Variants in AP3D1 observed in about 807,000 individuals in gnomAD.
AP3D1 encodes AP-3 complex subunit delta-1.
A neutral mutation model predicts 147.6 loss-of-function variants in AP3D1; 51 were observed. The ratio of observed to expected loss-of-function variants is 0.35; its 90% confidence interval spans 0.28 to 0.44. AP3D1 has a LOEUF of 0.44. AP3D1 is among the 20% of genes least tolerant of loss of function. The pLI is 1.00. For missense variants in AP3D1, 1,421 were observed against 1,624.2 expected, an observed-to-expected ratio of 0.87 and a Z score of 2.15; for synonymous variants, 760 against 663.0, an observed-to-expected ratio of 1.15 and a Z score of -2.25.
chr19:2,164,586 GC>G, upstream of AP3D1: 2 of 208,796 alleles, frequency 9.6e-6, no homozygotes, highest in Non-Finnish European at 1.9e-5. Flanking sequence ...TTGACTGGAA[GC>G]CCGCCCGCCC....
chr19:2,132,403 C>A (rs1436721265), intron 5 of AP3D1, 68 bp downstream of exon 5: 28 of 1,428,382 alleles, frequency 2.0e-5, no homozygotes, highest in Non-Finnish European at 2.7e-5. Context: ...GCTTCCCAGG[C>A]ATGCCACTTT....
intron 1 of AP3D1, among the ~76,000 whole-genome samples, chr19:2,150,517 C>G (rs2019477806): frequency 1.3e-5 from 2 of 152,164 alleles, no homozygotes; most frequent in Non-Finnish European, 2.9e-5. Flanking sequence ...AAGTCAGCTT[C>G]CCCATTCCAG....
chr19:2,111,673 C>T lies in AP3D1; in HGVS notation c.2937+6G>A. 1 of 1,583,038 alleles carries T rather than the reference C, an allele frequency of 6.3e-7. No homozygotes were observed. Among genetic ancestry groups the T allele is most frequent in the South Asian group, 1.1e-5 (1 of 87,872 alleles). ...CGTGGGGCGGGGGCGCTGAAGTACC[C>T]CTCACCGGGAGCTGCTCCTCCTCTG... On this transcript the variant is annotated splice_donor_region_variant and intron_variant, in intron 25 of 31. Coordinates refer to ENST00000643116, the MANE Select transcript of AP3D1 (RefSeq NM_001261826.3).
At position 2,114,804 on chromosome 19, in the gene AP3D1, G is replaced by A. The variant is rs567035565; in HGVS notation, c.2367C>T (p.Asp789=). ...GGTCGTTGGGGTCTTTGTCATCCTC[G>A]TCGCTGGGCAGAGCATTCTGACAGG... ...EEMPENALPS[D]EDDKDPNDPY... is the part of the protein sequence containing the mutation. The change falls in exon 21 of 32, where the codon GAC becomes GAT. Residue 789 remains aspartate, a synonymous_variant. Coordinates refer to ENST00000643116, the MANE Select transcript of AP3D1 (RefSeq NM_001261826.3). The A allele has an allele frequency of 6.4e-5, 104 of 1,614,054 alleles. 1 individual carries two copies. Among genetic ancestry groups the A allele is most frequent in the Non-Finnish European group, 8.2e-5 (97 of 1,179,948 alleles).
Position 2,116,188 on chromosome 19 carries a change from AC to A in AP3D1, c.2073+18del. 1.2e-6 allele frequency: 2 copies of A among 1,613,638 alleles called. No individual in the cohort carries two copies. Among genetic ancestry groups the A allele is most frequent in the Middle Eastern group, 1.7e-4 (1 of 6,034 alleles). ...GGGTAGAGGGTGCTGAGGGACAGGC[AC>A]CCGGGGACGGGCCTCACCTTCTGTG... On this transcript the variant is annotated intron_variant, in intron 18 of 31. Transcript: ENST00000643116.
intron 1 of AP3D1, among the ~76,000 whole-genome samples, chr19:2,145,615 C>T (rs1477615051): frequency 1.3e-5 from 2 of 152,202 alleles, no homozygotes; most frequent in South Asian, 2.1e-4. Context: ...CCAGGGCTGG[C>T]GTCGCCGCTC....
chr19:2,108,434 G>A (rs2018171306), intron 31 of AP3D1, among the ~76,000 whole-genome samples: 1 of 152,180 alleles, frequency 6.6e-6, no homozygotes, highest in Admixed American at 6.5e-5. Flanking sequence ...GGAGTGCAGT[G>A]GGAGTGGGGC....
chr19:2,109,916 G>T lies in AP3D1; in HGVS notation c.3307C>A (p.His1103Asn). ...ATCAAGTAGGAGCTGCAGCTGAAGTGCAGCCTGAAGTCCAGCTTCTCGTGG... is the reference window on the plus strand; with the variant it reads ...ATCAAGTAGGAGCTGCAGCTGAAGTTCAGCCTGAAGTCCAGCTTCTCGTGG... The part of the protein sequence containing the change: ...ATHEKLDFRL[H>N]FSCSSYLITT... Residue 1103 changes from histidine to asparagine, a missense_variant, in exon 29 of 32, where the codon CAC becomes AAC. Around this residue, in one of 6 missense-constraint regions of AP3D1, gnomAD observed 791 missense variants for 761.4 expected, o/e 1.04. Transcript: ENST00000643116. The T allele has an allele frequency of 6.2e-7, 1 of 1,613,848 alleles. No individual in the cohort carries two copies. Among genetic ancestry groups the T allele is most frequent in the African/African-American group, 1.3e-5 (1 of 75,018 alleles).
rs550934238 is a variant in AP3D1 at position 2,159,275 on chromosome 19, A to G, written c.-103+5081T>C. 1.4e-4 allele frequency among the ~76,000 whole-genome samples: 20 copies of G among 146,468 alleles called. 1 individual carries two copies. In the East Asian group the frequency reaches 3.9e-3, roughly 28 times the overall value. On this transcript the variant is annotated intron_variant, in intron 1 of 14. Transcript: ENST00000643010. Reference sequence around the variant, plus strand: ...CCTCTGTCACCCAGGCTGGAGTGCAATGGCGCGATCTCAGCTCACTACAAC... The same window carrying G: ...CCTCTGTCACCCAGGCTGGAGTGCAGTGGCGCGATCTCAGCTCACTACAAC...
At chr19:2,139,391 G>T (rs1158806394) in intron 1 of AP3D1, among the ~76,000 whole-genome samples, 1 of 152,192 alleles carries the variant, frequency 6.6e-6, no homozygotes, top group Non-Finnish European at 1.5e-5. Context: ...GTTTTGAGGG[G>T]ATGTGTCTGG....
chr19:2,161,627 C>T (rs1180439997), intron 1 of AP3D1, among the ~76,000 whole-genome samples: 1 of 151,932 alleles, frequency 6.6e-6, no homozygotes, highest in Non-Finnish European at 1.5e-5. Flanking sequence ...TACATGCAGA[C>T]CAAAGAGGAG....
chr19:2,124,112 C>A (rs766975243), intron 9 of AP3D1, among the ~76,000 whole-genome samples: 1 of 152,234 alleles, frequency 6.6e-6, no homozygotes, highest in Non-Finnish European at 1.5e-5. Context: ...CAGGATGGCT[C>A]GGGGCCTCAG....
intron 9 of AP3D1, among the ~76,000 whole-genome samples, chr19:2,126,417 A>C (rs1406945170): frequency 6.6e-6 from 1 of 152,140 alleles, no homozygotes; most frequent in Non-Finnish European, 1.5e-5. Flanking sequence ...GCACTTTGGG[A>C]GGCCGAGGCA....
chr19:2,151,162 C>G, intron 1 of AP3D1, 77 bp downstream of exon 1: 2 of 1,355,868 alleles, frequency 1.5e-6, no homozygotes, highest in East Asian at 5.7e-5. Flanking sequence ...GCAGGCCGAG[C>G]AGGCCCAGTG....
intron 21 of AP3D1, 126 bp downstream of exon 21, chr19:2,114,622 G>GCCCCCCCCCCCCCCCCCC: frequency 7.5e-6 from 5 of 665,748 alleles, no homozygotes; most frequent in Non-Finnish European, 1.1e-5. Flanking sequence ...TCTGGGGAAG[G>GCCCCCCCCCCCCCCCCCC]CCCGCCCGCA....
chr19:2,114,239 G>T lies in AP3D1; in HGVS notation c.2487C>A (p.Ser829=), dbSNP rs752420866. 1 of 1,613,312 alleles carries T rather than the reference G, an allele frequency of 6.2e-7. No individual in the cohort carries two copies. ...QKHRNTETSK[S]PEKDVPMVEK... ...CTACCATGGGAACGTCCTTCTCAGG[G>T]GATTTTGAGGTCTCGGTGTTTCTGT... The change falls in exon 22 of 32, where the codon TCC becomes TCA. Residue 829 remains serine (S), a synonymous_variant. Coordinates refer to ENST00000643116, the MANE Select transcript of AP3D1 (RefSeq NM_001261826.3).
chr19:2,157,441 C>CAAAAAAAAAAAAA (rs137939397), intron 1 of AP3D1, among the ~76,000 whole-genome samples: 2 of 101,128 alleles, frequency 2.0e-5, no homozygotes, highest in Non-Finnish European at 3.4e-5. Context: ...GACTCCGTCT[C>CAAAAAAAAAAAAA]AAAAAAAAAA....
At chr19:2,158,987 A>G (rs528709742) in intron 1 of AP3D1, among the ~76,000 whole-genome samples, 266 of 146,052 alleles carry the variant, frequency 1.8e-3, no homozygotes, top group Non-Finnish European at 2.7e-3. Flanking sequence ...CACTGTCAAC[A>G]TTTTCTGTTA....
chr19:2,148,715 C>T (rs1343462695), intron 1 of AP3D1, among the ~76,000 whole-genome samples: 3 of 152,200 alleles, frequency 2.0e-5, no homozygotes, highest in Admixed American at 2.0e-4. Context: ...GCCAGTCAGC[C>T]CAAGCACCTG....
Sources: allele counts gnomAD v4.1 joint callset (sites outside exome capture counted in the v4.1 genomes callset), GRCh38; gene constraint gnomAD v4.1.1; regional missense constraint gnomAD v4.1.1; transcripts MANE v1.5; gene names NCBI Gene and HGNC (gene_info 2026-07-23, HGNC 2026-07-21).